The following IRF8 variants were observed in gnomAD, a reference collection of about 807,000 sequenced individuals.
IRF8 encodes interferon regulatory factor 8.
In IRF8, 14 loss-of-function variants were observed where a neutral mutation model predicts 48.7. The ratio of observed to expected loss-of-function variants is 0.29; its 90% CI spans 0.19 to 0.45. The LOEUF (loss-of-function observed/expected upper bound fraction) is 0.45, where lower values mean the gene tolerates loss of function less well. Ranked by LOEUF, IRF8 falls within the 20% of genes least tolerant of loss-of-function variation. The pLI, the probability that IRF8 is intolerant of heterozygous loss-of-function variation, is 1.00. For missense variants in IRF8, 493 were observed against 580.7 expected (o/e 0.85, Z 1.55); for synonymous variants, 278 against 227.3 (o/e 1.22, Z -2.01).
rs1904841400 is a variant in IRF8 at position 85,902,033 on chromosome 16, C to T, written c.-1-982C>T. 2.0e-5 allele frequency among the ~76,000 whole-genome samples: 3 copies of T among 151,528 alleles called. No homozygotes were observed. The South Asian group carries it at 6.3e-4, about 32-fold the overall frequency. On this transcript the variant is annotated intron_variant, in intron 1 of 8. Transcript: ENST00000268638. ...TCGATAGGTCATGCTAGTTCTCTCT[C>T]TCTTTCTCTGTGCTGTTGGGGAAGC... is the stretch of plus-strand genomic sequence containing the variant.
At position 85,903,778 on chromosome 16, in the gene IRF8, C is replaced by T. The variant is rs533873024; in HGVS notation, c.174+589C>T. ...TTTGTTCTGTGCCAGGCCTGGCCCA[C>T]GGCTTGTTTTCTGCTCACATGATCC... On this transcript the variant is annotated intron_variant, in intron 2 of 8. Coordinates refer to ENST00000268638, the MANE Select transcript of IRF8 (RefSeq NM_002163.4). 9.2e-5 allele frequency among the ~76,000 whole-genome samples: 14 copies of T among 152,278 alleles called. No individual in the cohort carries two copies. In the South Asian group the frequency reaches 1.2e-3, roughly 14 times the overall value.
rs1344637982 is a variant in IRF8, at chr16:85,918,733, C to T, written c.918C>T (p.Cys306=). 10 of 1,612,608 alleles carry T rather than the reference C, an allele frequency of 6.2e-6. No individual in the cohort carries two copies. The South Asian group carries it at 9.9e-5, about 16-fold the overall frequency. ...RVFCSGNAVV[C]KGRPNKLERD... ...TCTGCAGCGGCAACGCCGTGGTGTG[C>T]AAAGGCAGGCCCAACAAGCTGGAGC... The change falls in exon 7 of 9, where the codon TGC becomes TGT. Residue 306 remains cysteine (C), a synonymous_variant. Transcript: ENST00000268638.
chr16:85,913,559 G>A (rs751653544), intron 5 of IRF8, among the ~76,000 whole-genome samples: 1 of 152,246 alleles, frequency 6.6e-6, no homozygotes, highest in Non-Finnish European at 1.5e-5. Context: ...AGGCCAGAGG[G>A]AAGATGCAGC....
intron 6 of IRF8, among the ~76,000 whole-genome samples, chr16:85,915,187 C>T (rs768632365): frequency 7.9e-5 from 12 of 152,094 alleles, no homozygotes; most frequent in Non-Finnish European, 1.3e-4. Flanking sequence ...GTAGTCTCAG[C>T]GGCTAAGGAC....
At chr16:85,918,185 A>G (rs1905382059) in intron 6 of IRF8, among the ~76,000 whole-genome samples, 1 of 152,202 alleles carries the variant, frequency 6.6e-6, no homozygotes, top group Non-Finnish European at 1.5e-5. Flanking sequence ...TACAGAGAAC[A>G]CTGTTGTAGT....
At chr16:85,907,638 A>G (rs888670288) in intron 2 of IRF8, among the ~76,000 whole-genome samples, 1 of 152,198 alleles carries the variant, frequency 6.6e-6, no homozygotes, top group African/African-American at 2.4e-5. Flanking sequence ...AGATTGCGCC[A>G]CTGCATTCCA....
At position 85,922,177 on chromosome 16, in the gene IRF8, G is replaced by A. The variant is rs1046021132; in HGVS notation, c.*895G>A. 1 of 152,390 alleles carries A rather than the reference G, an allele frequency of 6.6e-6. No individual in the cohort carries two copies. The highest frequency in any genetic ancestry group is 2.4e-5 in the African/African-American group (1 of 41,458). 9.4% of individuals were successfully genotyped at this position (152,390 alleles called of 1,614,324 possible). On this transcript the variant is annotated 3_prime_UTR_variant, in exon 9 of 9. Coordinates refer to ENST00000268638, the MANE Select transcript of IRF8 (RefSeq NM_002163.4). ...AGGGCAGCCTTCATTTTGAGAAGGT[G>A]GAAGGTGTTAGGGTTTGGGAGACAG...
intron 3 of IRF8, among the ~76,000 whole-genome samples, chr16:85,910,284 G>T: frequency 6.6e-6 from 1 of 152,188 alleles, no homozygotes; most frequent in African/African-American, 2.4e-5. Context: ...GCGGTTTGGG[G>T]CGTTTGTAGC....
intron 6 of IRF8, among the ~76,000 whole-genome samples, chr16:85,916,710 T>C (rs1459377512): frequency 6.6e-6 from 1 of 152,222 alleles, no homozygotes; most frequent in Non-Finnish European, 1.5e-5. Context: ...CGGAGTTGCC[T>C]GAAGCGTTTC....
At position 85,922,492 on chromosome 16, in the gene IRF8, A is replaced by G. The variant is rs975922231; in HGVS notation, c.*1210A>G. On this transcript the variant is annotated 3_prime_UTR_variant, in exon 9 of 9. Transcript: ENST00000268638. ...CAATAGGCTTGAATCTCCAATTCAA[A>G]TGAATGTCAAAGCACATATCTTTAA... 3 of 152,398 alleles carry G rather than the reference A, an allele frequency of 2.0e-5. No homozygotes were observed. The highest frequency in any genetic ancestry group is 7.2e-5 in the African/African-American group (3 of 41,468). 9.4% of individuals were successfully genotyped at this position (152,398 alleles called of 1,614,324 possible).
At chr16:85,908,569 G>C (rs10514610) in intron 2 of IRF8, among the ~76,000 whole-genome samples, 17,516 of 152,252 alleles carry the variant, frequency 0.12, 2,094 homozygotes, top group African/African-American at 0.31. Flanking sequence ...CTAAATTTTA[G>C]GGGTTGATCT....
At chr16:85,906,984 G>C (rs1391481123) in intron 2 of IRF8, among the ~76,000 whole-genome samples, 3 of 152,158 alleles carry the variant, frequency 2.0e-5, no homozygotes, top group Non-Finnish European at 4.4e-5. Context: ...AGTTGATTTA[G>C]TACATGGTTT....
At chr16:85,915,759 G>A (rs1342727483) in intron 6 of IRF8, among the ~76,000 whole-genome samples, 1 of 152,184 alleles carries the variant, frequency 6.6e-6, no homozygotes, top group Non-Finnish European at 1.5e-5. Flanking sequence ...AGTGCTTTCC[G>A]GGGGCTGTGG....
At chr16:85,912,979 G>A in intron 4 of IRF8, 152 bp from the exon 5 acceptor site, 1 of 743,472 alleles carries the variant, frequency 1.3e-6, no homozygotes, top group East Asian at 2.5e-5. Context: ...GGGCCTTTCA[G>A]GTTGCAAAGT....
chr16:85,901,703 C>T (rs932900260), intron 1 of IRF8, among the ~76,000 whole-genome samples: 1 of 152,184 alleles, frequency 6.6e-6, no homozygotes, highest in Non-Finnish European at 1.5e-5. Context: ...AGAAATCCCA[C>T]CTCCTCCTCC....
rs555406604 is a variant in IRF8, at chr16:85,908,884, C to A, written c.175-106C>A. 1.1e-5 allele frequency: 11 copies of A among 1,010,358 alleles called. No individual in the cohort carries two copies. The African/African-American group carries it at 1.1e-4, about 10-fold the overall frequency. The allele number at this position is 1,010,358 out of a possible 1,614,324, so 62.6% of individuals were successfully genotyped here. A position where few individuals can be genotyped will look rare whatever the true frequency, so the allele number is the denominator to read the frequency against. On this transcript the variant is annotated intron_variant, in intron 2 of 8. Coordinates refer to ENST00000268638, the MANE Select transcript of IRF8 (RefSeq NM_002163.4). ...AAATTGAATGAGAGTTGATGGCCAA[C>A]AAAGATTCATGGGAAGGGAAGGATG...
rs1158926419 is a variant in IRF8 at position 85,918,641 on chromosome 16, C to T, written c.826C>T (p.Arg276Cys). Reference sequence around the variant, plus strand: ...GCGGAAGCTGTTCGGGCACCTGGAGCGCGGGGTGCTGCTGCACAGCAGCCG... The same window carrying T: ...GCGGAAGCTGTTCGGGCACCTGGAGTGCGGGGTGCTGCTGCACAGCAGCCG... ...VTRKLFGHLE[R>C]GVLLHSSRQG... The change falls in exon 7 of 9, where the codon CGC becomes TGC. Residue 276 changes from arginine (R) to cysteine (C), a missense_variant. Arg to Cys is a radical substitution (Grantham distance 180). This residue lies in a region of IRF8 where 408 missense variants were observed against 449.6 expected (regional missense o/e 0.91). Coordinates refer to ENST00000268638, the MANE Select transcript of IRF8 (RefSeq NM_002163.4). 5.0e-6 allele frequency: 8 copies of T among 1,608,972 alleles called. No individual in the cohort carries two copies. The highest frequency in any genetic ancestry group is 2.2e-5 in the East Asian group (1 of 44,888).
intron 5 of IRF8, among the ~76,000 whole-genome samples, chr16:85,913,593 C>T (rs566454796): frequency 6.6e-6 from 1 of 152,360 alleles, no homozygotes; most frequent in East Asian, 1.9e-4. Flanking sequence ...GGCGCCCCCT[C>T]CCTGGGTACT....
intron 1 of IRF8, among the ~76,000 whole-genome samples, chr16:85,900,467 G>A (rs915929125): frequency 6.6e-6 from 1 of 152,266 alleles, no homozygotes; most frequent in Non-Finnish European, 1.5e-5. Flanking sequence ...GATCATAACT[G>A]TAGTAGAATC....
Sources: gnomAD v4.1 joint callset for allele counts (sites outside exome capture counted in the v4.1 genomes callset) on GRCh38, gnomAD v4.1.1 for gene constraint, gnomAD v4.1.1 regional missense constraint, MANE v1.5 for transcripts, NCBI Gene and HGNC (gene_info 2026-07-23, HGNC 2026-07-21) for gene names.